The following PFKM variants were observed in gnomAD, a reference collection of about 807,000 sequenced individuals.
PFKM encodes the protein ATP-dependent 6-phosphofructokinase, muscle type.
A neutral mutation model predicts 95.5 loss-of-function variants in PFKM; 58 were observed. That is an observed-to-expected ratio of 0.61 (90% CI 0.49 to 0.76). The LOEUF is 0.76. PFKM is among the 30% of genes least tolerant of loss of function. The pLI is 0.00. For missense variants in PFKM, 678 were observed against 1,005.4 expected, an observed-to-expected ratio of 0.67 and a Z score of 4.40; for synonymous variants, 336 against 357.2, an observed-to-expected ratio of 0.94 and a Z score of 0.67.
intron 2 of PFKM, chr12:48,107,955 G>A (rs1946845127): frequency 2.0e-6 from 2 of 998,408 alleles, no homozygotes; most frequent in Admixed American, 2.5e-5. Flanking sequence ...TTTTTCACTG[G>A]ATTTTTGGAA....
chr12:48,145,302 C>T lies in PFKM; in HGVS notation c.2185C>T (p.Gln729Ter). 6.2e-7 allele frequency: 1 copy of T among 1,613,490 alleles called. No individual in the cohort carries two copies. Among genetic ancestry groups the T allele is most frequent in the Non-Finnish European group, 8.5e-7 (1 of 1,179,476 alleles). Residue 729 changes from glutamine (Q) to a stop codon, truncating the protein, a stop_gained, in exon 22 of 23, where the codon CAG (glutamine) becomes TAG (stop). Transcript: ENST00000359794. LOFTEE classifies it high-confidence loss of function. This position sits in a 1 kb window ranked among gnomAD's most constrained non-coding sequence, Gnocchi z 4.3. ...VFQPVAELKD[Q>*]TDFEHRIPKE... ...CCAACCAGTGGCTGAGCTGAAGGAC[C>T]AGACAGATTTTGAGTGAGTACATCT... is the stretch of plus-strand genomic sequence containing the variant.
At chr12:48,122,945 T>G (rs1948436107) in intron 2 of PFKM, 86 bp downstream of exon 2, 2 of 1,346,706 alleles carry the variant, frequency 1.5e-6, no homozygotes, top group Non-Finnish European at 1.1e-6. Context: ...ATTATTCTTC[T>G]GTAGGTTCAC....
intron 3 of PFKM, among the ~76,000 whole-genome samples, chr12:48,108,914 T>C (rs1322065349): frequency 6.6e-6 from 1 of 152,230 alleles, no homozygotes; most frequent in African/African-American, 2.4e-5. Flanking sequence ...TCTCTTATAT[T>C]TTCAGAAGGA....
intron 4 of PFKM, chr12:48,132,135 C>T: frequency 2.2e-6 from 1 of 453,368 alleles, no homozygotes; most frequent in South Asian, 1.6e-5. Flanking sequence ...AGCCAGAATT[C>T]TCCACCAGTA....
Position 48,143,799 on chromosome 12 carries a change from G to A in PFKM, c.1865G>A (p.Arg622Lys). 6.2e-7 allele frequency: 1 copy of A among 1,612,682 alleles called. No homozygotes were observed. The highest frequency in any genetic ancestry group is 1.1e-5 in the South Asian group (1 of 91,054). The change falls in exon 19 of 23, where the codon AGG becomes AAG. Residue 622 changes from arginine (R) to lysine (K), a missense_variant. By Grantham distance (26) the Arg-to-Lys change is conservative. Transcript: ENST00000359794. ...CAAAAGATGAAAACAACTGTGAAAA[G>A]GGGCTTGGTGTTAAGGTACCTCATC... The part of the protein sequence containing the change: ...LVQKMKTTVK[R>K]GLVLRNEKCN...
intron 19 of PFKM, 111 bp from the exon 20 acceptor site, chr12:48,143,935 C>T: frequency 9.1e-7 from 1 of 1,101,494 alleles, no homozygotes; most frequent in East Asian, 2.3e-5. Context: ...GGGGGCCAGC[C>T]TATCCCTTGA....
chr12:48,128,210 T>C (rs1446715180), intron 2 of PFKM, among the ~76,000 whole-genome samples: 3 of 152,152 alleles, frequency 2.0e-5, no homozygotes, highest in Non-Finnish European at 2.9e-5. Flanking sequence ...TTCTCTGACT[T>C]CCTTCTGGCA....
chr12:48,135,034 A>G lies in PFKM; in HGVS notation c.839A>G (p.Lys280Arg). ...NGKPITSEDIKNLVVKRLGYD... is the reference protein window; with the variant it reads ...NGKPITSEDIRNLVVKRLGYD... ...AAACCAATCACCTCAGAAGACATCA[A>G]GAATGTTCGTATGAATGAAGCCAGA... The change falls in exon 9 of 23, where the codon AAG (lysine) becomes AGG (arginine). Residue 280 changes from lysine (K) to arginine (R), a missense_variant. Physicochemically the swap from Lys to Arg is conservative, Grantham distance 26 (BLOSUM62 2). Coordinates refer to ENST00000359794, the MANE Select transcript of PFKM (RefSeq NM_000289.6). The G allele has an allele frequency of 6.2e-7, 1 of 1,609,950 alleles. No individual in the cohort carries two copies. The highest frequency in any genetic ancestry group is 1.1e-5 in the South Asian group (1 of 90,966).
chr12:48,113,418 G>A (rs1252168443), intron 3 of PFKM, among the ~76,000 whole-genome samples: 2 of 152,246 alleles, frequency 1.3e-5, no homozygotes, highest in Non-Finnish European at 2.9e-5. Flanking sequence ...GAGAAGATCT[G>A]GGAAGGAGTC....
intron 1 of PFKM, among the ~76,000 whole-genome samples, chr12:48,121,767 G>A (rs1042388383): frequency 2.6e-5 from 4 of 152,160 alleles, no homozygotes; most frequent in Admixed American, 2.0e-4. Context: ...TGGCAATGAG[G>A]ATAGAAAGGA....
chr12:48,131,434 C>T (rs2135858410), intron 4 of PFKM, 41 bp downstream of exon 4: 1 of 1,379,316 alleles, frequency 7.2e-7, no homozygotes, highest in East Asian at 2.3e-5. Flanking sequence ...TTGCTCTGTC[C>T]TTGTTTCATC....
intron 12 of PFKM, 88 bp from the exon 13 acceptor site, chr12:48,139,761 G>A: frequency 1.1e-6 from 1 of 918,568 alleles, no homozygotes; most frequent in Non-Finnish European, 1.8e-6. Flanking sequence ...ACTTCCCTCT[G>A]GGAGCAACAC....
In PFKM at chr12:48,140,850, C is replaced by T. The variant is rs540444775; in HGVS notation, c.1320C>T (p.Phe440=). The change falls in exon 14 of 23, where the codon TTC becomes TTT. Residue 440 remains phenylalanine (F), a synonymous_variant. Transcript: ENST00000359794. Reference sequence around the variant, plus strand: ...GAGTGCTCGTTGTCCATGATGGTTTCGAGGGCCTGGCCAAGGGGCAGGTAT... The same window carrying T: ...GAGTGCTCGTTGTCCATGATGGTTTTGAGGGCCTGGCCAAGGGGCAGGTAT... The part of the protein sequence containing the change: ...GNRVLVVHDG[F]EGLAKGQIEE... 2.5e-5 allele frequency: 40 copies of T among 1,614,162 alleles called. No homozygotes were observed. In the East Asian group the frequency reaches 3.8e-4, roughly 15 times the overall value.
intron 3 of PFKM, among the ~76,000 whole-genome samples, chr12:48,110,451 A>G (rs1406747653): frequency 1.3e-5 from 2 of 152,184 alleles, no homozygotes; most frequent in South Asian, 4.1e-4. Flanking sequence ...TATCTGCTCT[A>G]ATGAGATGGA....
intron 3 of PFKM, among the ~76,000 whole-genome samples, chr12:48,113,394 T>C (rs992423149): frequency 6.6e-6 from 1 of 152,194 alleles, no homozygotes; most frequent in African/African-American, 2.4e-5. Context: ...GCGTCAGTCT[T>C]CAGCCGCTAA....
At chr12:48,143,667 T>C in intron 18 of PFKM, 86 bp from the exon 19 acceptor site, 1 of 951,226 alleles carries the variant, frequency 1.1e-6, no homozygotes. Flanking sequence ...GTCTCTTCCT[T>C]CCTGGAGAGG....
chr12:48,143,889 T>C, intron 19 of PFKM, 75 bp downstream of exon 19: 4 of 1,227,246 alleles, frequency 3.3e-6, no homozygotes, highest in Non-Finnish European at 4.8e-6. Flanking sequence ...ATGGCCATTG[T>C]TGGGACACCC....
chr12:48,126,652 A>G (rs1283349112), intron 2 of PFKM, among the ~76,000 whole-genome samples: 1 of 152,222 alleles, frequency 6.6e-6, no homozygotes, highest in Non-Finnish European at 1.5e-5. Flanking sequence ...GAGTTTTTAC[A>G]GGACCATTTA....
chr12:48,131,502 G>C, intron 4 of PFKM, 109 bp downstream of exon 4: 1 of 822,310 alleles, frequency 1.2e-6, no homozygotes, highest in Non-Finnish European at 2.1e-6. Context: ...TTCATGGGAA[G>C]GAATTCAGTG....
Sources: gnomAD v4.1 joint callset for allele counts (sites outside exome capture counted in the v4.1 genomes callset) on GRCh38, gnomAD v4.1.1 for gene constraint, Gnocchi (gnomAD v3.1) non-coding constraint, MANE v1.5 for transcripts, NCBI Gene and HGNC (gene_info 2026-07-23, HGNC 2026-07-21) for gene names.